The following TFDP3 variants were observed in gnomAD, a reference collection of about 807,000 sequenced individuals.
TFDP3 encodes the protein E2F-like protein.
For missense variants in TFDP3, 353 were observed against 321.6 expected (o/e 1.10, Z -0.75); for synonymous variants, 167 against 131.3 (o/e 1.27, Z -1.86).
chrX:133,217,425 G>C lies in TFDP3; in HGVS notation c.835C>G (p.Leu279Val). 8.3e-7 allele frequency: 1 copy of C among 1,211,625 alleles called. No homozygotes were observed. The highest frequency in any genetic ancestry group is 1.1e-6 in the Non-Finnish European group (1 of 895,477). Residue 279 changes from leucine (L) to valine (V), a missense_variant, in exon 1 of 1, where the codon CTG becomes GTG. Physicochemically the swap from Leu to Val is conservative, Grantham distance 32. Transcript: ENST00000310125. ...CSISDDKSEY[L>V]FKFNSSFEIH... Reference sequence around the variant, plus strand: ...TCAAAGGAGCTGTTAAACTTAAACAGATATTCTGATTTGTCGTCGGAGATG... The same window carrying C: ...TCAAAGGAGCTGTTAAACTTAAACACATATTCTGATTTGTCGTCGGAGATG...
In TFDP3 at chrX:133,217,460, A is replaced by G. The variant is rs1282360197; in HGVS notation, c.800T>C (p.Ile267Thr). ...TTTGTCGTCGGAGATGCTGCAGTTG[A>G]TGACGGTCTTCTTGCTACTGCTGAT... ...IIISSSKKTV[I>T]NCSISDDKSE... Residue 267 changes from isoleucine (I) to threonine (T), a missense_variant, in exon 1 of 1, where the codon ATC (isoleucine) becomes ACC (threonine). Coordinates refer to ENST00000310125, the MANE Select transcript of TFDP3 (RefSeq NM_016521.3). 1.7e-6 allele frequency: 2 copies of G among 1,211,877 alleles called. No homozygotes were observed. The highest frequency in any genetic ancestry group is 2.2e-6 in the Non-Finnish European group (2 of 895,549).
In TFDP3 at chrX:133,217,621, C is replaced by T; in HGVS notation, c.639G>A (p.Gln213=). The change falls in exon 1 of 1, where the codon CAG becomes CAA. Residue 213 remains glutamine, a synonymous_variant. Coordinates refer to ENST00000310125, the MANE Select transcript of TFDP3 (RefSeq NM_016521.3). ...TAAGTTGTTGAAGTTCAGACTGTTT[C>T]TGCTTTATTCTTTCAAGTCTCTTCT... ...ERQKRLERIK[Q]KQSELQQLIL... is the part of the protein sequence containing the mutation. 1 of 1,211,796 alleles carries T rather than the reference C, an allele frequency of 8.3e-7. No individual in the cohort carries two copies. Among genetic ancestry groups the T allele is most frequent in the Non-Finnish European group, 1.1e-6 (1 of 895,567 alleles).
At position 133,217,458 on chromosome X, in the gene TFDP3, T is replaced by C; in HGVS notation, c.802A>G (p.Asn268Asp). The change falls in exon 1 of 1, where the codon AAC becomes GAC. Residue 268 changes from asparagine (N) to aspartate (D), a missense_variant. By Grantham distance (23) the Asn-to-Asp change is conservative. Coordinates refer to ENST00000310125, the MANE Select transcript of TFDP3 (RefSeq NM_016521.3). ...GATTTGTCGTCGGAGATGCTGCAGT[T>C]GATGACGGTCTTCTTGCTACTGCTG... ...IISSSKKTVI[N>D]CSISDDKSEY... 8.3e-7 allele frequency: 1 copy of C among 1,211,900 alleles called. No individual in the cohort carries two copies.
chrX:133,217,595 A>T lies in TFDP3; in HGVS notation c.665T>A (p.Ile222Asn). The T allele has an allele frequency of 8.3e-7, 1 of 1,211,724 alleles. No homozygotes were observed. Residue 222 changes from isoleucine (I) to asparagine (N), a missense_variant, in exon 1 of 1, where the codon ATT (isoleucine) becomes AAT (asparagine). Ile to Asn is a moderately radical substitution (Grantham distance 149, BLOSUM62 -3). Coordinates refer to ENST00000310125, the MANE Select transcript of TFDP3 (RefSeq NM_016521.3). ...GTTCTTGAAAGCAATTTGCTGTAGA[A>T]TAAGTTGTTGAAGTTCAGACTGTTT... ...KQKQSELQQL[I>N]LQQIAFKNLV...
In TFDP3 at chrX:133,217,148, C is replaced by A; in HGVS notation, c.1112G>T (p.Gly371Val). The A allele has an allele frequency of 3.3e-6, 4 of 1,211,507 alleles. No homozygotes were observed. Among genetic ancestry groups the A allele is most frequent in the Non-Finnish European group, 4.5e-6 (4 of 895,538 alleles). Reference sequence around the variant, plus strand: ...CCTGGAGCCACTGTACTGAGATCCACCGGAGCTTGTGGCCAGCATCCCAAT... The same window carrying A: ...CCTGGAGCCACTGTACTGAGATCCAACGGAGCTTGTGGCCAGCATCCCAAT... ...IAIGMLATSS[G>V]GSQYSGSRVE... The change falls in exon 1 of 1, where the codon GGT becomes GTT. Residue 371 changes from glycine to valine, a missense_variant. Gly to Val is a moderately radical substitution (Grantham distance 109). Coordinates refer to ENST00000310125, the MANE Select transcript of TFDP3 (RefSeq NM_016521.3).
Position 133,218,175 on chromosome X carries a change from C to T in TFDP3, c.85G>A (p.Val29Ile), listed in dbSNP as rs777030815. ...DENQTSRPVA[V>I]HTSTVNPLGK... ...AGCGGGTTCACGGTGGAGGTGTGAA[C>T]GGCCACGGGGCGGCTGGTCTGGTTC... Residue 29 changes from valine (V) to isoleucine (I), a missense_variant, in exon 1 of 1, where the codon GTT (valine) becomes ATT (isoleucine). Val to Ile is a conservative substitution (Grantham distance 29, BLOSUM62 3). Coordinates refer to ENST00000310125, the MANE Select transcript of TFDP3 (RefSeq NM_016521.3). The T allele has an allele frequency of 3.3e-6, 4 of 1,198,900 alleles. No individual in the cohort carries two copies. The highest frequency in any genetic ancestry group is 3.4e-6 in the Non-Finnish European group (3 of 888,790).
rs1456702986 is a variant in TFDP3, at chrX:133,217,074, C to A, written c.1186G>T (p.Asp396Tyr). ...EEEEEEDNND[D>Y]DLSENDEDD The stretch of plus-strand genomic sequence containing the variant: ...TCCTCGTCATTCTCACTGAGGTCGT[C>A]ATCGTTGTTGTCCTCCTCCTCTTCC... Residue 396 changes from aspartate to tyrosine, a missense_variant, in exon 1 of 1, where the codon GAC becomes TAC. Physicochemically the swap from Asp to Tyr is radical, Grantham distance 160. Transcript: ENST00000310125. 8.3e-7 allele frequency: 1 copy of A among 1,206,288 alleles called. No homozygotes were observed. Among genetic ancestry groups the A allele is most frequent in the African/African-American group, 1.8e-5 (1 of 56,959 alleles).
Position 133,216,948 on chromosome X carries a change from CA to C in TFDP3, c.*93del, listed in dbSNP as rs1421599469. The C allele has an allele frequency of 8.3e-6, 9 of 1,088,032 alleles. No homozygotes were observed. Among genetic ancestry groups the C allele is most frequent in the African/African-American group, 7.9e-5 (4 of 50,518 alleles). 89.7% of individuals were successfully genotyped at this position (1,088,032 alleles called of 1,213,427 possible). A position where few individuals can be genotyped will look rare whatever the true frequency, so the allele number is the denominator to read the frequency against. The stretch of plus-strand genomic sequence containing the variant: ...TTACCAATATCTTCTTGGGAGTAGG[CA>C]AAAAAGAAACAGAAAACCTCACATT... On this transcript the variant is annotated 3_prime_UTR_variant, in exon 1 of 1. Transcript: ENST00000310125.
At position 133,217,919 on chromosome X, in the gene TFDP3, A is replaced by G. The variant is rs1329723930; in HGVS notation, c.341T>C (p.Leu114Pro). 2 of 1,211,665 alleles carry G rather than the reference A, an allele frequency of 1.7e-6. No homozygotes were observed. The highest frequency in any genetic ancestry group is 5.9e-5 in the East Asian group (2 of 33,819). ...GEKNGMGLCR[L>P]SMKVWETVQR... Reference sequence around the variant, plus strand: ...CACCGTCTCCCAGACCTTCATGGAAAGACGGCACAGGCCCATGCCATTCTT... The same window carrying G: ...CACCGTCTCCCAGACCTTCATGGAAGGACGGCACAGGCCCATGCCATTCTT... Residue 114 changes from leucine (L) to proline (P), a missense_variant, in exon 1 of 1, where the codon CTT becomes CCT. Physicochemically the swap from Leu to Pro is moderately conservative, Grantham distance 98 (BLOSUM62 -3). Coordinates refer to ENST00000310125, the MANE Select transcript of TFDP3 (RefSeq NM_016521.3).
rs1326502700 is a variant in TFDP3 at position 133,218,327 on chromosome X, G to C, written c.-68C>G. ...CCAGAGAAGAAAAACAATTCTTCCA[G>C]GCCGAGTGTAGGGCTGCCGTGAGGT... On this transcript the variant is annotated 5_prime_UTR_variant, in exon 1 of 1. Transcript: ENST00000310125. The C allele has an allele frequency of 2.0e-6, 2 of 1,016,560 alleles. No individual in the cohort carries two copies. The highest frequency in any genetic ancestry group is 2.6e-6 in the Non-Finnish European group (2 of 766,177). The allele number at this position is 1,016,560 out of a possible 1,213,427, so 83.8% of individuals were successfully genotyped here.
Position 133,218,031 on chromosome X carries a change from T to C in TFDP3, c.229A>G (p.Asn77Asp). 1.7e-6 allele frequency: 2 copies of C among 1,211,729 alleles called. No individual in the cohort carries two copies. Among genetic ancestry groups the C allele is most frequent in the Admixed American group, 2.2e-5 (1 of 46,037 alleles). The change falls in exon 1 of 1, where the codon AAC becomes GAC. Residue 77 changes from asparagine (N) to aspartate (D), a missense_variant. Coordinates refer to ENST00000310125, the MANE Select transcript of TFDP3 (RefSeq NM_016521.3). ...ASNIPVVGSPNPPSTHFASQN... is the reference protein window; with the variant it reads ...ASNIPVVGSPDPPSTHFASQN... ...GAGGCAAAGTGAGTGCTGGGTGGGT[T>C]TGGGCTTCCTACCACAGGGATGTTT...
At position 133,218,226 on chromosome X, in the gene TFDP3, C is replaced by T; in HGVS notation, c.34G>A (p.Glu12Lys). 4 of 1,156,384 alleles carry T rather than the reference C, an allele frequency of 3.5e-6. No homozygotes were observed. The highest frequency in any genetic ancestry group is 1.8e-5 in the African/African-American group (1 of 56,098). ...TCGTCCATTAAGACCTTGAGTTCTT[C>T]GTTAGCTTCAGTGAGACTGACATAT... is the stretch of plus-strand genomic sequence containing the variant. ...AKYVSLTEAN[E>K]ELKVLMDENQ... is the part of the protein sequence containing the mutation. The change falls in exon 1 of 1, where the codon GAA becomes AAA. Residue 12 changes from glutamate (E) to lysine (K), a missense_variant. Physicochemically the swap from Glu to Lys is moderately conservative, Grantham distance 56. Coordinates refer to ENST00000310125, the MANE Select transcript of TFDP3 (RefSeq NM_016521.3).
Position 133,217,603 on chromosome X carries a change from T to C in TFDP3, c.657A>G (p.Gln219=). ...ERIKQKQSEL[Q]QLILQQIAFK... Reference sequence around the variant, plus strand: ...AAGCAATTTGCTGTAGAATAAGTTGTTGAAGTTCAGACTGTTTCTGCTTTA... The same window carrying C: ...AAGCAATTTGCTGTAGAATAAGTTGCTGAAGTTCAGACTGTTTCTGCTTTA... Residue 219 remains glutamine, a synonymous_variant, in exon 1 of 1, where the codon CAA becomes CAG. Transcript: ENST00000310125. 7 of 1,211,911 alleles carry C rather than the reference T, an allele frequency of 5.8e-6. No individual in the cohort carries two copies. Among genetic ancestry groups the C allele is most frequent in the South Asian group, 1.8e-5 (1 of 56,983 alleles).
rs111884715 is a variant in TFDP3 at position 133,216,974 on chromosome X, T to TA, written c.*67dup. ...AAAAAAGAAACAGAAAACCTCACATTAAAAAAAAAAAAAAAGTTTCTTTTC... is the reference window on the plus strand; with the variant it reads ...AAAAAAGAAACAGAAAACCTCACATTAAAAAAAAAAAAAAAAGTTTCTTTTC... On this transcript the variant is annotated 3_prime_UTR_variant, in exon 1 of 1. Transcript: ENST00000310125. 0.064 allele frequency: 57,832 copies of TA among 904,419 alleles called. 19 individuals carry two copies. Among genetic ancestry groups the TA allele is most frequent in the Non-Finnish European group, 0.069 (47,222 of 684,155 alleles). The allele number at this position is 904,419 out of a possible 1,213,427, so 74.5% of individuals were successfully genotyped here. A position where few individuals can be genotyped will look rare whatever the true frequency, so the allele number is the denominator to read the frequency against.
In TFDP3 at chrX:133,217,870, G is replaced by C. The variant is rs772108089; in HGVS notation, c.390C>G (p.Cys130Trp). The C allele has an allele frequency of 8.3e-7, 1 of 1,211,388 alleles. No homozygotes were observed. The highest frequency in any genetic ancestry group is 1.1e-6 in the Non-Finnish European group (1 of 895,255). Residue 130 changes from cysteine to tryptophan, a missense_variant, in exon 1 of 1, where the codon TGC becomes TGG. Coordinates refer to ENST00000310125, the MANE Select transcript of TFDP3 (RefSeq NM_016521.3). The part of the protein sequence containing the change: ...ETVQRKGTTS[C>W]QEVVGELVAK... ...CGACCAGCTCGCCCACCACTTCCTG[G>C]CAGGAAGTGGTCCCTTTCCTCTGCA...
In TFDP3 at chrX:133,217,065, T is replaced by C; in HGVS notation, c.1195A>G (p.Ser399Gly). 1 of 1,206,622 alleles carries C rather than the reference T, an allele frequency of 8.3e-7. No homozygotes were observed. Among genetic ancestry groups the C allele is most frequent in the Non-Finnish European group, 1.1e-6 (1 of 891,956 alleles). Residue 399 changes from serine (S) to glycine (G), a missense_variant, in exon 1 of 1, where the codon AGT (serine) becomes GGT (glycine). Physicochemically the swap from Ser to Gly is moderately conservative, Grantham distance 56. Transcript: ENST00000310125. ...EEEDNNDDDLSENDEDD is the reference protein window; with the variant it reads ...EEEDNNDDDLGENDEDD ...CGTCAGTCATCCTCGTCATTCTCAC[T>C]GAGGTCGTCATCGTTGTTGTCCTCC...
At position 133,218,043 on chromosome X, in the gene TFDP3, C is replaced by T. The variant is rs200465931; in HGVS notation, c.217G>A (p.Val73Ile). The change falls in exon 1 of 1, where the codon GTA (valine) becomes ATA (isoleucine). Residue 73 changes from valine (V) to isoleucine (I), a missense_variant. Transcript: ENST00000310125. ...QRPAASNIPV[V>I]GSPNPPSTHF... The stretch of plus-strand genomic sequence containing the variant: ...GTGCTGGGTGGGTTTGGGCTTCCTA[C>T]CACAGGGATGTTTGATGCTGCTGGT... 1.4e-3 allele frequency: 1,674 copies of T among 1,209,766 alleles called. 2 individuals carry two copies. Among genetic ancestry groups the T allele is most frequent in the Non-Finnish European group, 1.5e-3 (1,314 of 895,232 alleles).
Position 133,217,095 on chromosome X carries a change from C to T in TFDP3, c.1165G>A (p.Glu389Lys), listed in dbSNP as rs2068014173. 2 of 1,211,335 alleles carry T rather than the reference C, an allele frequency of 1.7e-6. No individual in the cohort carries two copies. The highest frequency in any genetic ancestry group is 2.2e-6 in the Non-Finnish European group (2 of 895,203). The change falls in exon 1 of 1, where the codon GAG (glutamate) becomes AAG (lysine). Residue 389 changes from glutamate (E) to lysine (K), a missense_variant. Transcript: ENST00000310125. ...TCGTCATCGTTGTTGTCCTCCTCCT[C>T]TTCCTCCTCGACTGCTGGGGTCTCC... ...RVETPAVEEE[E>K]EEDNNDDDLS...
In TFDP3 at chrX:133,216,833, C is replaced by CAGAACAG. The variant is rs2068012305; in HGVS notation, c.*208_*209insCTGTTCT. On this transcript the variant is annotated 3_prime_UTR_variant, in exon 1 of 1. Transcript: ENST00000310125. The stretch of plus-strand genomic sequence containing the variant: ...AGTAAATAAAGATTCTGTGTCAGCA[C>CAGAACAG]ACTGGTATCAAAACACACATCAACA... 1 of 411,374 alleles carries CAGAACAG rather than the reference C, an allele frequency of 2.4e-6. No homozygotes were observed. The highest frequency in any genetic ancestry group is 4.4e-5 in the East Asian group (1 of 22,939). 33.9% of individuals were successfully genotyped at this position (411,374 alleles called of 1,213,427 possible).
Sources: allele counts gnomAD v4.1 joint callset, GRCh38; gene constraint gnomAD v4.1.1; transcripts MANE v1.5; gene names NCBI Gene and HGNC (gene_info 2026-07-23, HGNC 2026-07-21).